Variants in RANBP2 observed in about 807,000 individuals in gnomAD.
RANBP2 encodes the protein E3 SUMO-protein ligase RanBP2.
In RANBP2, 57 loss-of-function variants were observed where a neutral mutation model predicts 303.6. That is an observed-to-expected ratio of 0.19 (90% confidence interval 0.15 to 0.23). The LOEUF (loss-of-function observed/expected upper bound fraction) is 0.23. Among genes scored for constraint, RANBP2 ranks in the 10% least tolerant of loss-of-function variants. The probability of loss-of-function intolerance (pLI) is 1.00; values close to 1 mark genes in which losing one functional copy is unlikely to be tolerated. For missense variants in RANBP2, 3,138 were observed against 3,780.8 expected, an observed-to-expected ratio of 0.83 and a Z score of 4.46; for synonymous variants, 1,167 against 1,301.5, an observed-to-expected ratio of 0.90 and a Z score of 2.23.
the RANBP2 span, among the ~76,000 whole-genome samples, chr2:109,086,313 C>T: frequency 2.6e-5 from 4 of 152,146 alleles, no homozygotes; most frequent in Non-Finnish European, 4.4e-5. Context: ...TTCATTCCTA[C>T]CATTGAAGGA....
At chr2:108,941,189 C>T in the RANBP2 span, among the ~76,000 whole-genome samples, 14 of 152,312 alleles carry the variant, frequency 9.2e-5, no homozygotes, top group African/African-American at 3.1e-4. Context: ...ATTGCCGAAT[C>T]GTATTCCACT....
chr2:109,491,923 G>A, the RANBP2 span, among the ~76,000 whole-genome samples: 1 of 152,218 alleles, frequency 6.6e-6, no homozygotes, highest in African/African-American at 2.4e-5. Context: ...GCCATTCCCA[G>A]TGCCAGGTGG....
At chr2:109,629,451 T>C in the RANBP2 span, among the ~76,000 whole-genome samples, 1 of 150,546 alleles carries the variant, frequency 6.6e-6, no homozygotes, top group Non-Finnish European at 1.5e-5. Context: ...TACAAGTATT[T>C]ACTAAGTTGA....
chr2:109,374,424 A>G, the RANBP2 span, among the ~76,000 whole-genome samples: 1 of 152,204 alleles, frequency 6.6e-6, no homozygotes, highest in African/African-American at 2.4e-5. Context: ...GACTGCTTGC[A>G]CGCCACACAC....
At chr2:109,234,220 C>T in the RANBP2 span, among the ~76,000 whole-genome samples, 2 of 150,328 alleles carry the variant, frequency 1.3e-5, no homozygotes, top group Non-Finnish European at 3.0e-5. Flanking sequence ...TGTTATTAGT[C>T]AGTTACTTTT....
chr2:109,419,462 AG>A, the RANBP2 span: 2 of 1,421,992 alleles, frequency 1.4e-6, no homozygotes, highest in African/African-American at 2.8e-5. Flanking sequence ...CTGTGGATGC[AG>A]CCTCATTTTG....
chr2:108,795,127 CG>C, the RANBP2 span, among the ~76,000 whole-genome samples: 1 of 136,558 alleles, frequency 7.3e-6, no homozygotes, highest in Non-Finnish European at 1.6e-5. Flanking sequence ...ATCTGCCTTT[CG>C]GGTTTTTTGT....
chr2:109,389,935 C>T, the RANBP2 span, among the ~76,000 whole-genome samples: 4 of 152,172 alleles, frequency 2.6e-5, no homozygotes, highest in African/African-American at 9.7e-5. Context: ...GAATCTGTGC[C>T]AGCCACTCCT....
At chr2:108,934,218 A>G in the RANBP2 span, among the ~76,000 whole-genome samples, 2 of 152,110 alleles carry the variant, frequency 1.3e-5, no homozygotes, top group African/African-American at 4.8e-5. Flanking sequence ...ATTGTTACCA[A>G]TTCTCTGAGA....
chr2:108,934,196 A>G, the RANBP2 span, among the ~76,000 whole-genome samples: 1 of 151,990 alleles, frequency 6.6e-6, no homozygotes, highest in Non-Finnish European at 1.5e-5. Flanking sequence ...GTGGCCTTAG[A>G]TGTGTTTCAT....
At chr2:108,882,200 G>T in the RANBP2 span, 2 of 151,762 alleles carry the variant, frequency 1.3e-5, no homozygotes, top group Admixed American at 6.6e-5. Context: ...AGATCACCAT[G>T]ACAGATATAA....
At chr2:108,845,715 G>A in the RANBP2 span, among the ~76,000 whole-genome samples, 3 of 151,926 alleles carry the variant, frequency 2.0e-5, no homozygotes. Context: ...GGGACTATGG[G>A]CACCCGCCAC....
At chr2:109,358,204 A>G in the RANBP2 span, among the ~76,000 whole-genome samples, 14 of 152,160 alleles carry the variant, frequency 9.2e-5, no homozygotes, top group East Asian at 1.9e-4. Context: ...AGGTCCTTCC[A>G]TGTCTTTTCA....
the RANBP2 span, among the ~76,000 whole-genome samples, chr2:108,917,811 C>G: frequency 6.6e-6 from 1 of 152,096 alleles, no homozygotes; most frequent in Non-Finnish European, 1.5e-5. Context: ...CCCAAAGTGC[C>G]AACCTTGGGC....
chr2:108,990,018 T>C, the RANBP2 span, among the ~76,000 whole-genome samples: 1 of 152,164 alleles, frequency 6.6e-6, no homozygotes, highest in African/African-American at 2.4e-5. Flanking sequence ...AGAAACAGTC[T>C]GGGCTCCGTG....
the RANBP2 span, among the ~76,000 whole-genome samples, chr2:109,368,658 A>G: frequency 6.7e-6 from 1 of 149,992 alleles, no homozygotes; most frequent in African/African-American, 2.5e-5. Flanking sequence ...ATTTGGCTCT[A>G]ATTTCTAGAC....
At chr2:109,276,926 C>T in the RANBP2 span, among the ~76,000 whole-genome samples, 74 of 152,116 alleles carry the variant, frequency 4.9e-4, no homozygotes, top group African/African-American at 1.7e-3. Context: ...GTTCATGTTT[C>T]GGGGAGGGTG....
the RANBP2 span, among the ~76,000 whole-genome samples, chr2:109,338,450 G>C: frequency 6.6e-6 from 1 of 150,820 alleles, no homozygotes; most frequent in Non-Finnish European, 1.5e-5. Context: ...TTTTTTACAT[G>C]CTCACAGATA....
the RANBP2 span, among the ~76,000 whole-genome samples, chr2:109,060,680 G>A: frequency 1.3e-5 from 2 of 152,214 alleles, no homozygotes; most frequent in African/African-American, 4.8e-5. Flanking sequence ...CTGAGTAGGT[G>A]TGCAGAGGCC....
Sources: allele counts gnomAD v4.1 joint callset (sites outside exome capture counted in the v4.1 genomes callset), GRCh38; gene constraint gnomAD v4.1.1; transcripts MANE v1.5; gene names NCBI Gene and HGNC (gene_info 2026-07-23, HGNC 2026-07-21).